Variants in GSR observed in about 807,000 individuals in gnomAD.
The protein encoded by GSR is glutathione-disulfide reductase.
Under a neutral mutation model 56.5 loss-of-function variants are expected in GSR, and 48 were observed. The observed-to-expected ratio is 0.85, with a 90% confidence interval of 0.67 to 1.08. The LOEUF is 1.08. GSR is among the 50% of genes least tolerant of loss of function. The pLI is 0.00. For missense variants in GSR, 694 were observed against 703.3 expected (o/e 0.99, Z 0.15); for synonymous variants, 264 against 270.8 (o/e 0.97, Z 0.25).
chr8:30,704,193 C>T (rs888531070), intron 4 of GSR, among the ~76,000 whole-genome samples: 2 of 151,968 alleles, frequency 1.3e-5, no homozygotes, highest in African/African-American at 4.8e-5. Context: ...GAAGTGGTGG[C>T]GGGCACCTGT....
intron 6 of GSR, among the ~76,000 whole-genome samples, chr8:30,699,552 T>C (rs1803657327): frequency 6.6e-6 from 1 of 152,054 alleles, no homozygotes; most frequent in South Asian, 2.1e-4. Flanking sequence ...CAAGTGATTC[T>C]CCTGCCTCAG....
chr8:30,708,875 C>T (rs1312363457), intron 3 of GSR, among the ~76,000 whole-genome samples: 1 of 149,344 alleles, frequency 6.7e-6, no homozygotes, highest in Admixed American at 6.8e-5. Context: ...AGGAGAATGG[C>T]GTGAACCCGG....
In GSR at chr8:30,696,414, C is replaced by T. The variant is rs769431245; in HGVS notation, c.761G>A (p.Gly254Asp). Residue 254 changes from glycine (G) to aspartate (D), a missense_variant, in exon 7 of 13, where the codon GGT (glycine) becomes GAT (aspartate). Coordinates refer to ENST00000221130, the MANE Select transcript of GSR (RefSeq NM_000637.5). ...VEMAGILSAL[G>D]SKTSLMIRHD... is the part of the protein sequence containing the mutation. ...CCGTATCATCAGTGATGTCTTAGAA[C>T]CCAGGGCTGACAGGATCCCTGCCAT... 9 of 1,612,436 alleles carry T rather than the reference C, an allele frequency of 5.6e-6. No homozygotes were observed. The East Asian group carries it at 1.6e-4, about 28-fold the overall frequency.
intron 7 of GSR, among the ~76,000 whole-genome samples, chr8:30,693,321 C>G (rs1803448417): frequency 6.6e-6 from 1 of 152,190 alleles, no homozygotes; most frequent in South Asian, 2.1e-4. Flanking sequence ...AAGCTTGCTT[C>G]TCTTTTCCTT....
intron 5 of GSR, among the ~76,000 whole-genome samples, chr8:30,702,133 C>T (rs2128744099): frequency 6.6e-6 from 1 of 151,876 alleles, no homozygotes; most frequent in South Asian, 2.1e-4. Context: ...GCCCATGTGA[C>T]CAACATGGTG....
intron 6 of GSR, among the ~76,000 whole-genome samples, chr8:30,696,681 C>G (rs937195886): frequency 3.3e-5 from 5 of 152,074 alleles, no homozygotes. Flanking sequence ...AATGACTAAA[C>G]CCTAGACTGC....
chr8:30,689,451 T>TA, intron 8 of GSR, 132 bp from the exon 9 acceptor site: 1 of 777,896 alleles, frequency 1.3e-6, no homozygotes, highest in South Asian at 1.4e-5. Flanking sequence ...CATACAAAGA[T>TA]AGACATAAAC....
At chr8:30,684,224 T>C (rs765082946) in intron 9 of GSR, 25 bp from the exon 10 acceptor site, 1 of 1,318,690 alleles carries the variant, frequency 7.6e-7, no homozygotes, top group Non-Finnish European at 1.1e-6. Context: ...AGATATCATG[T>C]AACCACTTGG....
At chr8:30,715,605 T>C (rs1804306317) in intron 1 of GSR, among the ~76,000 whole-genome samples, 1 of 152,184 alleles carries the variant, frequency 6.6e-6, no homozygotes, top group Admixed American at 6.6e-5. Context: ...CACACCTTTA[T>C]ACCCTGCAGT....
chr8:30,697,971 C>T (rs901234411), intron 6 of GSR, among the ~76,000 whole-genome samples: 3 of 152,162 alleles, frequency 2.0e-5, no homozygotes, highest in Non-Finnish European at 4.4e-5. Context: ...AGATTACAGG[C>T]ATAAGCCACT....
intron 1 of GSR, among the ~76,000 whole-genome samples, chr8:30,724,025 C>CA (rs1804644452): frequency 6.6e-6 from 1 of 152,130 alleles, no homozygotes; most frequent in Non-Finnish European, 1.5e-5. Context: ...AAAACTTCCC[C>CA]AAGCGTTAGA....
chr8:30,701,795 A>C (rs953292883), intron 5 of GSR, among the ~76,000 whole-genome samples: 5 of 4,556 alleles, frequency 1.1e-3, no homozygotes, highest in African/African-American at 1.5e-3. Context: ...TCTGTCTCAC[A>C]AAAAAAAAAA....
intron 8 of GSR, 79 bp from the exon 9 acceptor site, chr8:30,689,398 A>C: frequency 8.5e-7 from 1 of 1,181,258 alleles, no homozygotes. Context: ...ATACAGAGGA[A>C]ACTAGAATTT....
chr8:30,684,201 TA>T lies in GSR; in HGVS notation c.1042-3del. On this transcript the variant is annotated splice_polypyrimidine_tract_variant and splice_region_variant and intron_variant, in intron 9 of 12. Transcript: ENST00000221130. ...ACCCTTGTCATCGGTTTGAATCCCC[TA>T]AAATTACAAAGAGATATCATGTAAC... 6.4e-6 allele frequency: 10 copies of T among 1,555,416 alleles called. No homozygotes were observed. Among genetic ancestry groups the T allele is most frequent in the Non-Finnish European group, 8.9e-6 (10 of 1,126,406 alleles).
chr8:30,727,362 T>C (rs8190885), intron 1 of GSR, among the ~76,000 whole-genome samples, 168 bp downstream of exon 1: 2,647 of 152,190 alleles, frequency 0.017, 69 homozygotes, highest in African/African-American at 0.06. Context: ...GACGCCTCTC[T>C]CTCCTCCACC....
At chr8:30,684,927 ACATTTATTTATTTATTTATT>A (rs1803105041) in intron 9 of GSR, among the ~76,000 whole-genome samples, 2 of 141,338 alleles carry the variant, frequency 1.4e-5, no homozygotes, top group South Asian at 4.6e-4. Flanking sequence ...TTTTTAACAT[ACATTTATTTATTTATTTATT>A]TATTTATTTA....
At chr8:30,693,134 CTT>C in intron 7 of GSR, 79 bp from the exon 8 acceptor site, 1 of 848,406 alleles carries the variant, frequency 1.2e-6, no homozygotes, top group Non-Finnish European at 2.0e-6. Context: ...GGGAGGGAAA[CTT>C]CAGCATTATC....
chr8:30,701,563 G>T (rs1028061977), intron 5 of GSR, among the ~76,000 whole-genome samples: 2 of 151,956 alleles, frequency 1.3e-5, no homozygotes, highest in Non-Finnish European at 2.9e-5. Flanking sequence ...GCCAAGGTGG[G>T]CAGATCAACT....
chr8:30,709,651 C>T (rs994448121), intron 3 of GSR, among the ~76,000 whole-genome samples, 163 bp downstream of exon 3: 1 of 152,062 alleles, frequency 6.6e-6, no homozygotes, highest in Non-Finnish European at 1.5e-5. Context: ...TGTGAATGCG[C>T]TTAATGGCAC....
Sources: gnomAD v4.1 joint callset for allele counts (sites outside exome capture counted in the v4.1 genomes callset) on GRCh38, gnomAD v4.1.1 for gene constraint, MANE v1.5 for transcripts, NCBI Gene and HGNC (gene_info 2026-07-23, HGNC 2026-07-21) for gene names.